The following TEAD4 variants were observed in gnomAD, a reference collection of about 807,000 sequenced individuals.
TEAD4 encodes the protein TEA domain transcription factor 4, also known as transcriptional enhancer factor TEF-3.
A neutral mutation model predicts 52.4 loss-of-function variants in TEAD4; 36 were observed. The ratio of observed to expected loss-of-function variants is 0.69; its 90% CI spans 0.53 to 0.91. The LOEUF is 0.91. Among genes scored for constraint, TEAD4 ranks in the 40% least tolerant of loss-of-function variants. The pLI is 0.00. For synonymous variants in TEAD4, 220 were observed against 231.0 expected (o/e 0.95, Z 0.43); for missense variants, 508 against 583.9 (o/e 0.87, Z 1.34).
intron 3 of TEAD4, among the ~76,000 whole-genome samples, chr12:2,997,119 T>G (rs2098247882): frequency 6.6e-6 from 1 of 152,216 alleles, no homozygotes; most frequent in Non-Finnish European, 1.5e-5. Context: ...TTCCGTCTTG[T>G]GGCTCATGAG....
At chr12:2,965,648 T>G (rs1436182968) in intron 2 of TEAD4, among the ~76,000 whole-genome samples, 3 of 151,986 alleles carry the variant, frequency 2.0e-5, no homozygotes, top group African/African-American at 7.3e-5. Flanking sequence ...GCCTCCCGGG[T>G]TCACTCCATT....
At chr12:3,002,928 G>A (rs1460849211) in intron 3 of TEAD4, among the ~76,000 whole-genome samples, 4 of 152,212 alleles carry the variant, frequency 2.6e-5, no homozygotes, top group African/African-American at 9.7e-5. Context: ...AGGCCCAATT[G>A]CTGCCTTCTC....
chr12:2,960,307 T>G (rs2098214262), intron 2 of TEAD4: 2 of 985,274 alleles, frequency 2.0e-6, no homozygotes, highest in Non-Finnish European at 2.4e-6. Context: ...CACCCATGCC[T>G]CTTTTCTGCT....
At chr12:2,987,709 A>G (rs1231240576) in intron 2 of TEAD4, among the ~76,000 whole-genome samples, 2 of 149,710 alleles carry the variant, frequency 1.3e-5, no homozygotes, top group African/African-American at 4.9e-5. Flanking sequence ...GGCCTGAGCC[A>G]CCGTGCCCAG....
At chr12:3,021,327 T>A (rs2098268578) in intron 9 of TEAD4, among the ~76,000 whole-genome samples, 1 of 143,814 alleles carries the variant, frequency 7.0e-6, no homozygotes, top group Admixed American at 6.8e-5. Flanking sequence ...TTTTTTTTCT[T>A]GAGACAGAGC....
At chr12:2,960,360 GGACT>G in intron 2 of TEAD4, 1 of 985,560 alleles carries the variant, frequency 1.0e-6, no homozygotes, top group Non-Finnish European at 1.2e-6. Flanking sequence ...GGAGGTAAGC[GGACT>G]GCCTGTTTTA....
chr12:2,969,290 T>C (rs958813892), intron 2 of TEAD4, among the ~76,000 whole-genome samples: 7 of 152,214 alleles, frequency 4.6e-5, no homozygotes, highest in Non-Finnish European at 7.3e-5. Flanking sequence ...GTGTTAGGTA[T>C]GATAAGTTCT....
At chr12:2,977,050 A>G (rs2098230322) in intron 2 of TEAD4, among the ~76,000 whole-genome samples, 1 of 149,080 alleles carries the variant, frequency 6.7e-6, no homozygotes, top group Non-Finnish European at 1.5e-5. Flanking sequence ...ACCGTGAATC[A>G]CGTGCAAGGA....
At chr12:2,989,543 AT>A (rs2098241406) in intron 2 of TEAD4, among the ~76,000 whole-genome samples, 1 of 151,956 alleles carries the variant, frequency 6.6e-6, no homozygotes, top group South Asian at 2.1e-4. Flanking sequence ...GGTTCAAGTG[AT>A]TCTCATGCCT....
At chr12:2,972,282 GT>G (rs2098225773) in intron 2 of TEAD4, among the ~76,000 whole-genome samples, 1 of 151,700 alleles carries the variant, frequency 6.6e-6, no homozygotes, top group Non-Finnish European at 1.5e-5. Flanking sequence ...GGATCTCACT[GT>G]GTTGCCCAGG....
intron 2 of TEAD4, among the ~76,000 whole-genome samples, chr12:2,974,778 GCTGACCCTCGGGTT>G (rs1775127724): frequency 6.6e-6 from 1 of 152,086 alleles, no homozygotes; most frequent in Non-Finnish European, 1.5e-5. Flanking sequence ...CCTGGTTTGG[GCTGACCCTCGGGTT>G]CTGACAGGGT....
intron 3 of TEAD4, among the ~76,000 whole-genome samples, chr12:3,000,514 C>G (rs112661513): frequency 6.6e-6 from 1 of 152,092 alleles, no homozygotes; most frequent in East Asian, 1.9e-4. Flanking sequence ...TCTGTTAGCT[C>G]ATTAATCCCT....
chr12:3,011,930 T>C (rs1291720143), intron 4 of TEAD4, among the ~76,000 whole-genome samples: 1 of 152,186 alleles, frequency 6.6e-6, no homozygotes, highest in Admixed American at 6.5e-5. Context: ...CCTCCCAAAG[T>C]GTTGGGATTA....
chr12:3,037,119 A>C (rs2098279898), intron 10 of TEAD4, among the ~76,000 whole-genome samples: 1 of 152,190 alleles, frequency 6.6e-6, no homozygotes, highest in African/African-American at 2.4e-5. Flanking sequence ...GGGAAGGAAG[A>C]GCAGCCTGTC....
intron 2 of TEAD4, among the ~76,000 whole-genome samples, chr12:2,980,135 T>A (rs1450163605): frequency 1.3e-5 from 2 of 152,098 alleles, no homozygotes; most frequent in Non-Finnish European, 2.9e-5. Flanking sequence ...GGCAAGTCAG[T>A]TCACCTCTCA....
At chr12:3,029,937 G>A in intron 10 of TEAD4, among the ~76,000 whole-genome samples, 1 of 151,926 alleles carries the variant, frequency 6.6e-6, no homozygotes. Flanking sequence ...AGGTGATTTA[G>A]TTTCTCCAGA....
intron 2 of TEAD4, among the ~76,000 whole-genome samples, chr12:2,980,382 C>T (rs2098233154): frequency 6.6e-6 from 1 of 152,214 alleles, no homozygotes; most frequent in African/African-American, 2.4e-5. Context: ...GCACATCTAA[C>T]TTGCATCCCT....
chr12:2,971,251 A>G (rs2098224724), intron 2 of TEAD4, among the ~76,000 whole-genome samples: 1 of 152,148 alleles, frequency 6.6e-6, no homozygotes, highest in African/African-American at 2.4e-5. Flanking sequence ...ATTCTGTCCC[A>G]AGAGGAGGAG....
At chr12:3,037,416 C>T (rs1276320145) in intron 10 of TEAD4, among the ~76,000 whole-genome samples, 1 of 152,108 alleles carries the variant, frequency 6.6e-6, no homozygotes, top group Non-Finnish European at 1.5e-5. Flanking sequence ...AGCCCCAGAG[C>T]CGTTTCTGAG....
Sources: allele counts gnomAD v4.1 joint callset (sites outside exome capture counted in the v4.1 genomes callset), GRCh38; gene constraint gnomAD v4.1.1; transcripts MANE v1.5; gene names NCBI Gene and HGNC (gene_info 2026-07-23, HGNC 2026-07-21).